NUP88: variants seen among roughly 807,000 people sequenced by gnomAD.
The protein encoded by NUP88 is nuclear pore complex protein Nup88.
Under a neutral mutation model 93.9 loss-of-function variants are expected in NUP88, and 57 were observed. That is an observed-to-expected ratio of 0.61 (90% CI 0.49 to 0.76). NUP88 has a LOEUF of 0.76. Among genes scored for constraint, NUP88 ranks in the 30% least tolerant of loss-of-function variants. The pLI is 0.00. For missense variants in NUP88, 911 were observed against 901.0 expected (o/e 1.01, Z -0.14); for synonymous variants, 346 against 336.8 (o/e 1.03, Z -0.30).
At chr17:5,409,374 C>CAAAAAAAAAAAAA in intron 4 of NUP88, among the ~76,000 whole-genome samples, 1 of 99,824 alleles carries the variant, frequency 1.0e-5, no homozygotes. Context: ...AACTCCGTCT[C>CAAAAAAAAAAAAA]AAAAAAAAAA....
chr17:5,415,372 T>C (rs918588552), intron 2 of NUP88, among the ~76,000 whole-genome samples: 1 of 152,226 alleles, frequency 6.6e-6, no homozygotes, highest in African/African-American at 2.4e-5. Flanking sequence ...TGGTTTGACT[T>C]AGGATTGATA....
At chr17:5,402,222 G>T (rs764372239) in intron 7 of NUP88, among the ~76,000 whole-genome samples, 1 of 151,968 alleles carries the variant, frequency 6.6e-6, no homozygotes, top group Non-Finnish European at 1.5e-5. Context: ...CAGGAGAATC[G>T]CTTGAACCCA....
chr17:5,414,273 G>GC, intron 2 of NUP88, 139 bp from the exon 3 acceptor site: 1 of 615,792 alleles, frequency 1.6e-6, no homozygotes, highest in Admixed American at 2.7e-5. Context: ...TCGGCTCACT[G>GC]CAACCTCCGC....
chr17:5,397,331 C>A (rs796846523), intron 8 of NUP88, among the ~76,000 whole-genome samples: 32 of 149,064 alleles, frequency 2.1e-4, no homozygotes, highest in African/African-American at 7.9e-4. Context: ...CAGAGTGAGA[C>A]CCTCTGTCTC....
intron 16 of NUP88, 75 bp from the exon 17 acceptor site, chr17:5,386,344 G>T: frequency 1.7e-6 from 2 of 1,163,742 alleles, no homozygotes; most frequent in Non-Finnish European, 2.5e-6. Context: ...ATTTAAACTG[G>T]TAATGTTGAA....
rs978299300 is a variant in NUP88, at chr17:5,386,194, C to T, written c.*12G>A. On this transcript the variant is annotated 3_prime_UTR_variant, in exon 17 of 17. Coordinates refer to ENST00000573584, the MANE Select transcript of NUP88 (RefSeq NM_002532.6). The stretch of plus-strand genomic sequence containing the variant: ...GGTGTTCAGTTCAGGTGTGAGTCAG[C>T]TCCTGGTGGTGTCAGAAGTTTACAT... 5 of 1,609,234 alleles carry T rather than the reference C, an allele frequency of 3.1e-6. No individual in the cohort carries two copies. The highest frequency in any genetic ancestry group is 1.3e-5 in the African/African-American group (1 of 74,802).
rs546272253 is a variant in NUP88, at chr17:5,415,302, G to A, written c.468-1168C>T. ...CCCAAAGTGCTGGGATTACAGGTGT[G>A]AGCCATCGTGCCTGGCTCCAAATTA... On this transcript the variant is annotated intron_variant, in intron 2 of 16. Coordinates refer to ENST00000573584, the MANE Select transcript of NUP88 (RefSeq NM_002532.6). 2.0e-5 allele frequency among the ~76,000 whole-genome samples: 3 copies of A among 152,282 alleles called. No homozygotes were observed. In the East Asian group the frequency reaches 5.8e-4, roughly 29 times the overall value.
rs14231 is a variant in NUP88, at chr17:5,391,656, T to A, written c.1389A>T (p.Pro463=). The change falls in exon 10 of 17, where the codon CCA becomes CCT. Residue 463 remains proline (P), a synonymous_variant. Coordinates refer to ENST00000573584, the MANE Select transcript of NUP88 (RefSeq NM_002532.6). ...CAATCCAAAATCCTCGAATTGGAGCTGGCTGCCTGGAAAAACACAGTCATA... is the reference window on the plus strand; with the variant it reads ...CAATCCAAAATCCTCGAATTGGAGCAGGCTGCCTGGAAAAACACAGTCATA... The part of the protein sequence containing the change: ...LCTKPLPCRQ[P]APIRGFWIVP... 0.43 allele frequency: 687,708 copies of A among 1,610,116 alleles called. 154,997 individuals carry two copies. The highest frequency in any genetic ancestry group is 0.84 in the East Asian group (37,751 of 44,858).
intron 9 of NUP88, among the ~76,000 whole-genome samples, chr17:5,393,111 C>A (rs1039704090): frequency 8.0e-6 from 1 of 124,360 alleles, no homozygotes. Context: ...CGCCACTACA[C>A]CCAGCTAATT....
intron 10 of NUP88, among the ~76,000 whole-genome samples, chr17:5,389,982 A>G (rs1043007501): frequency 5.9e-5 from 9 of 151,836 alleles, no homozygotes; most frequent in African/African-American, 2.2e-4. Flanking sequence ...CCTGGCCAAC[A>G]TGGCAAAACC....
At position 5,419,588 on chromosome 17, in the gene NUP88, G is replaced by T; in HGVS notation, c.63C>A (p.His21Gln). The change falls in exon 1 of 17, where the codon CAC becomes CAA. Residue 21 changes from histidine to glutamine, a missense_variant. Physicochemically the swap from His to Gln is conservative, Grantham distance 24. Coordinates refer to ENST00000573584, the MANE Select transcript of NUP88 (RefSeq NM_002532.6). ...CCTCCCGGAGCCGCAAGAACACGAC[G>T]TGGTTAGGAAGCCAGGTCTGCCACA... ...GELWQTWLPNHVVFLRLREGL... is the reference protein window; with the variant it reads ...GELWQTWLPNQVVFLRLREGL... 1.2e-6 allele frequency: 2 copies of T among 1,607,366 alleles called. No homozygotes were observed. Among genetic ancestry groups the T allele is most frequent in the Non-Finnish European group, 1.7e-6 (2 of 1,175,644 alleles).
At chr17:5,391,183 ACAGGGCTGCCCTGATGAT>A (rs1912393192) in intron 10 of NUP88, among the ~76,000 whole-genome samples, 1 of 152,166 alleles carries the variant, frequency 6.6e-6, no homozygotes, top group African/African-American at 2.4e-5. Flanking sequence ...TGCCTTCCTT[ACAGGGCTGCCCTGATGAT>A]TCCAGGAGGC....
chr17:5,415,232 G>T (rs1320435192), intron 2 of NUP88, among the ~76,000 whole-genome samples: 1 of 151,894 alleles, frequency 6.6e-6, no homozygotes, highest in African/African-American at 2.4e-5. Flanking sequence ...GTTGCCCAGG[G>T]TGGTCTCAAG....
intron 2 of NUP88, 105 bp downstream of exon 2, chr17:5,416,408 T>G: frequency 1.4e-6 from 1 of 720,498 alleles, no homozygotes; most frequent in Non-Finnish European, 2.2e-6. Context: ...CGAGGAGTGT[T>G]TTAATGTTTT....
chr17:5,392,893 A>G (rs1471571242), intron 9 of NUP88, among the ~76,000 whole-genome samples: 2 of 151,850 alleles, frequency 1.3e-5, no homozygotes, highest in African/African-American at 4.8e-5. Flanking sequence ...GGGCTCAAAC[A>G]ATCCTTCCTT....
chr17:5,405,300 A>C, intron 5 of NUP88, 57 bp from the exon 6 acceptor site: 1 of 1,441,212 alleles, frequency 6.9e-7, no homozygotes, highest in East Asian at 2.3e-5. Context: ...TGCTCATCCC[A>C]TAAAACCATT....
rs200198318 is a variant in NUP88 at position 5,387,597 on chromosome 17, A to G, written c.1835+8T>C. On this transcript the variant is annotated splice_region_variant and intron_variant, in intron 13 of 16. Transcript: ENST00000573584. ...ACCTATTGTATTCTTCTTATTTTTG[A>G]CACTTACCTCTCTTCTCGACAATAA... The G allele has an allele frequency of 5.8e-5, 94 of 1,611,280 alleles. No individual in the cohort carries two copies. The African/African-American group carries it at 1.2e-3, about 20-fold the overall frequency.
Position 5,387,082 on chromosome 17 carries a change from A to G in NUP88, c.1945T>C (p.Ser649Pro), listed in dbSNP as rs1912045766. The stretch of plus-strand genomic sequence containing the variant: ...CTATCAGAGAGAACTGGGAGCTCAG[A>G]GTGAAAACTGTGAAGTAGTTTTTTC... ...RMKKLLHSFH[S>P]ELPVLSDSER... The change falls in exon 15 of 17, where the codon TCT (serine) becomes CCT (proline). Residue 649 changes from serine (S) to proline (P), a missense_variant. Transcript: ENST00000573584. 11 of 1,613,978 alleles carry G rather than the reference A, an allele frequency of 6.8e-6. No homozygotes were observed. Among genetic ancestry groups the G allele is most frequent in the Non-Finnish European group, 8.5e-6 (10 of 1,179,984 alleles).
Position 5,402,747 on chromosome 17 carries a change from T to A in NUP88, c.1192+1352A>T, listed in dbSNP as rs946522316. Among the ~76,000 whole-genome samples, 4 of 152,174 alleles carry A rather than the reference T, an allele frequency of 2.6e-5. No individual in the cohort carries two copies. The South Asian group carries it at 8.3e-4, about 32-fold the overall frequency. On this transcript the variant is annotated intron_variant, in intron 7 of 16. Transcript: ENST00000573584. ...GGCTGGGCATGGTGGTTCACACCTGTGGACCAGCACTTTGAGAGGCTGAGG... is the reference window on the plus strand; with the variant it reads ...GGCTGGGCATGGTGGTTCACACCTGAGGACCAGCACTTTGAGAGGCTGAGG...
Sources: allele counts gnomAD v4.1 joint callset (sites outside exome capture counted in the v4.1 genomes callset), GRCh38; gene constraint gnomAD v4.1.1; transcripts MANE v1.5; gene names NCBI Gene and HGNC (gene_info 2026-07-23, HGNC 2026-07-21).